The following ZZEF1 variants were observed in gnomAD, a reference collection of about 807,000 sequenced individuals.
ZZEF1 encodes zinc finger ZZ-type and EF-hand domain-containing protein 1.
Under a neutral mutation model 342.8 loss-of-function variants are expected in ZZEF1, and 157 were observed. That is an observed-to-expected ratio of 0.46 (90% CI 0.40 to 0.52). The LOEUF (loss-of-function observed/expected upper bound fraction) is 0.52. ZZEF1 is among the 20% of genes least tolerant of loss of function. ZZEF1 has a pLI of 0.00. For synonymous variants in ZZEF1, 1,505 were observed against 1,429.1 expected (o/e 1.05, Z -1.20); for missense variants, 3,480 against 3,725.6 (o/e 0.93, Z 1.72).
intron 16 of ZZEF1, 52 bp from the exon 17 acceptor site, chr17:4,082,556 C>T: frequency 6.4e-7 from 1 of 1,566,206 alleles, no homozygotes; most frequent in African/African-American, 1.4e-5. Context: ...CATGACATTC[C>T]AGAGACCTAG....
At chr17:4,118,287 C>G (rs2058430425) in intron 2 of ZZEF1, among the ~76,000 whole-genome samples, 1 of 152,154 alleles carries the variant, frequency 6.6e-6, no homozygotes, top group Non-Finnish European at 1.5e-5. Flanking sequence ...CAGTTCATGA[C>G]AGGCAGTTCA....
chr17:4,121,036 C>A (rs769524483), intron 2 of ZZEF1, among the ~76,000 whole-genome samples: 34 of 152,196 alleles, frequency 2.2e-4, no homozygotes, highest in Non-Finnish European at 3.8e-4. Flanking sequence ...CATTCCAAGA[C>A]TGATGAATTG....
intron 40 of ZZEF1, 56 bp downstream of exon 40, chr17:4,033,959 T>G: frequency 6.3e-7 from 1 of 1,589,770 alleles, no homozygotes; most frequent in Admixed American, 1.7e-5. Context: ...CTTAAACAAA[T>G]AAACACCAAG....
At chr17:4,047,590 C>A (rs1300167485) in intron 37 of ZZEF1, among the ~76,000 whole-genome samples, 2 of 151,306 alleles carry the variant, frequency 1.3e-5, no homozygotes, top group Non-Finnish European at 2.9e-5. Flanking sequence ...TTGCAGTGAG[C>A]CAAGATCATA....
Position 4,042,524 on chromosome 17 carries a change from TTTC to T in ZZEF1, c.6208_6210del (p.Glu2070del). ...TGCTCAGGGCTTGGAGTAACTGCTT[TTTC>T]CTCTATGGGCTTCTGAGATGACACT... On this transcript the variant is annotated inframe_deletion, in exon 39 of 55. Coordinates refer to ENST00000381638, the MANE Select transcript of ZZEF1 (RefSeq NM_015113.4). 6.2e-7 allele frequency: 1 copy of T among 1,614,042 alleles called. No individual in the cohort carries two copies. The highest frequency in any genetic ancestry group is 1.7e-5 in the Admixed American group (1 of 59,974).
At chr17:4,019,083 C>A (rs927493406) in intron 46 of ZZEF1, among the ~76,000 whole-genome samples, 3 of 151,694 alleles carry the variant, frequency 2.0e-5, no homozygotes, top group African/African-American at 7.3e-5. Flanking sequence ...CTAATGCAAC[C>A]CTGCTTCACC....
intron 28 of ZZEF1, 45 bp downstream of exon 28, chr17:4,066,402 G>A (rs758166345): frequency 1.5e-4 from 239 of 1,593,726 alleles, no homozygotes; most frequent in Non-Finnish European, 1.8e-4. Context: ...GCTCTAAAAC[G>A]AAAACAGAAG....
chr17:4,070,932 C>CA lies in ZZEF1; in HGVS notation c.3835-9dup. The CA allele has an allele frequency of 6.2e-7, 1 of 1,602,968 alleles. No homozygotes were observed. The highest frequency in any genetic ancestry group is 8.5e-7 in the Non-Finnish European group (1 of 1,176,298). Reference sequence around the variant, plus strand: ...GTCAGGAATGTTCTTAACCTGGAAACAAAAAATAAACCCATCACATTTAAC... The same window carrying CA: ...GTCAGGAATGTTCTTAACCTGGAAACAAAAAAATAAACCCATCACATTTAAC... On this transcript the variant is annotated splice_polypyrimidine_tract_variant and intron_variant, in intron 25 of 54. Transcript: ENST00000381638.
At chr17:4,075,461 G>T in intron 21 of ZZEF1, 32 bp from the exon 22 acceptor site, 4 of 1,607,906 alleles carry the variant, frequency 2.5e-6, no homozygotes, top group Non-Finnish European at 3.4e-6. Context: ...GGGAAAGAAA[G>T]GTTCTATCAC....
chr17:4,142,667 G>C lies in ZZEF1; in HGVS notation c.229C>G (p.Arg77Gly), dbSNP rs1433127974. The change falls in exon 1 of 55, where the codon CGC (arginine) becomes GGC (glycine). Residue 77 changes from arginine to glycine, a missense_variant. Coordinates refer to ENST00000381638, the MANE Select transcript of ZZEF1 (RefSeq NM_015113.4). ...PPCESLVSRH[R>G]GALFRWLEER... ...TCCAGCCAGCGAAACAACGCGCCGCGATGCCTCGACACCAGCGACTCGCAG... is the reference window on the plus strand; with the variant it reads ...TCCAGCCAGCGAAACAACGCGCCGCCATGCCTCGACACCAGCGACTCGCAG... The C allele has an allele frequency of 6.2e-7, 1 of 1,607,436 alleles. No homozygotes were observed. Among genetic ancestry groups the C allele is most frequent in the Non-Finnish European group, 8.5e-7 (1 of 1,179,658 alleles).
chr17:4,012,078 C>A (rs1373742240), intron 52 of ZZEF1, among the ~76,000 whole-genome samples: 2 of 152,362 alleles, frequency 1.3e-5, no homozygotes, highest in African/African-American at 4.8e-5. Context: ...TTGCCAATGG[C>A]CAGCAGACTG....
intron 37 of ZZEF1, among the ~76,000 whole-genome samples, 179 bp from the exon 38 acceptor site, chr17:4,044,553 T>A (rs966349069): frequency 1.3e-5 from 2 of 151,988 alleles, no homozygotes; most frequent in Non-Finnish European, 2.9e-5. Flanking sequence ...AGAGTCTCAC[T>A]CTGTCACCAG....
rs780151393 is a variant in ZZEF1 at position 4,127,467 on chromosome 17, TA to T, written c.355-3417del. 5.3e-4 allele frequency among the ~76,000 whole-genome samples: 81 copies of T among 152,254 alleles called. 2 individuals carry two copies. The highest frequency in any genetic ancestry group is 5.0e-3 in the Admixed American group (76 of 15,288). ...AAGATTCACTTCAAAATAATATGGA[TA>T]GGGGAAGGAAAAAGCAGGGGGCGGT... On this transcript the variant is annotated intron_variant, in intron 1 of 54. Transcript: ENST00000381638.
chr17:4,085,931 G>T, intron 15 of ZZEF1, 128 bp from the exon 16 acceptor site: 1 of 1,212,102 alleles, frequency 8.3e-7, no homozygotes, highest in Non-Finnish European at 1.1e-6. Context: ...AAGTATTTCT[G>T]TACAGGCCAG....
At chr17:4,051,723 T>C (rs1418057996) in intron 35 of ZZEF1, among the ~76,000 whole-genome samples, 5 of 150,358 alleles carry the variant, frequency 3.3e-5, no homozygotes, top group Admixed American at 1.3e-4. Context: ...GTCCTGGAAT[T>C]GGCTTTAAAA....
chr17:4,046,294 A>G (rs2056911623), intron 37 of ZZEF1, among the ~76,000 whole-genome samples: 1 of 152,152 alleles, frequency 6.6e-6, no homozygotes, highest in Non-Finnish European at 1.5e-5. Context: ...TGTCAGCTGC[A>G]TTTCCTGAGA....
chr17:4,071,233 G>A (rs781819), intron 25 of ZZEF1: 17,436 of 270,334 alleles, frequency 0.064, 3,030 homozygotes, highest in African/African-American at 0.36. Flanking sequence ...ATTAAGAAAA[G>A]CCTCCTGGAG....
intron 12 of ZZEF1, among the ~76,000 whole-genome samples, chr17:4,089,539 G>A (rs1012265311): frequency 6.6e-6 from 1 of 152,236 alleles, no homozygotes; most frequent in Non-Finnish European, 1.5e-5. Context: ...ATAATGATTG[G>A]TCCTTTCTAT....
Position 4,096,616 on chromosome 17 carries a change from C to T in ZZEF1, c.1757G>A (p.Arg586Lys), listed in dbSNP as rs1254837150. ...AGGTAGCACGAAAATTACCATAATT[C>T]TTATCTGTGTAACTTGGAAGGCAGA... ...TESAFQVTQI[R>K]IMVRRGGIGA... Residue 586 changes from arginine (R) to lysine (K), a missense_variant, in exon 10 of 55, where the codon AGA becomes AAA. Physicochemically the swap from Arg to Lys is conservative, Grantham distance 26. This residue lies in a region of ZZEF1 where 1,528 missense variants were observed against 1,624.1 expected (regional missense o/e 0.94). Coordinates refer to ENST00000381638, the MANE Select transcript of ZZEF1 (RefSeq NM_015113.4). 1 of 1,613,732 alleles carries T rather than the reference C, an allele frequency of 6.2e-7. No individual in the cohort carries two copies. The highest frequency in any genetic ancestry group is 8.5e-7 in the Non-Finnish European group (1 of 1,179,788).
Sources: allele counts gnomAD v4.1 joint callset (sites outside exome capture counted in the v4.1 genomes callset), GRCh38; gene constraint gnomAD v4.1.1; regional missense constraint gnomAD v4.1.1; transcripts MANE v1.5; gene names NCBI Gene and HGNC (gene_info 2026-07-23, HGNC 2026-07-21).